Variants in SCN10A observed in about 807,000 individuals in gnomAD.
The protein encoded by SCN10A is sodium channel protein type 10 subunit alpha.
A neutral mutation model predicts 170.7 loss-of-function variants in SCN10A; 162 were observed. The observed-to-expected ratio is 0.95, with a 90% CI of 0.84 to 1.08. The LOEUF is 1.08. Among genes scored for constraint, SCN10A ranks in the 50% least tolerant of loss-of-function variants. The pLI is 0.00. For synonymous variants in SCN10A, 985 were observed against 904.6 expected (o/e 1.09, Z -1.59); for missense variants, 2,527 against 2,436.9 (o/e 1.04, Z -0.78).
At position 38,717,942 on chromosome 3, in the gene SCN10A, GA is replaced by G. The variant is rs1160232347; in HGVS notation, c.3681+710del. On this transcript the variant is annotated intron_variant, in intron 21 of 27. Coordinates refer to ENST00000449082, the MANE Select transcript of SCN10A (RefSeq NM_006514.4). The stretch of plus-strand genomic sequence containing the variant: ...CTGAGGAATCACATGTCTGATGTGT[GA>G]GAAGCACACAGTCAATTCTCTAATG... Among the ~76,000 whole-genome samples, 13 of 152,352 alleles carry G rather than the reference GA, an allele frequency of 8.5e-5. No homozygotes were observed. The East Asian group carries it at 2.3e-3, about 27-fold the overall frequency.
Position 38,697,273 on chromosome 3 carries a change from A to G in SCN10A, c.*76T>C. The G allele has an allele frequency of 6.4e-7, 1 of 1,560,060 alleles. No individual in the cohort carries two copies. Reference sequence around the variant, plus strand: ...ATTGGTGAGGCTGTAGCTGGGTGTGATCTGCAATGGGAAAGAGTTAACACA... The same window carrying G: ...ATTGGTGAGGCTGTAGCTGGGTGTGGTCTGCAATGGGAAAGAGTTAACACA... On this transcript the variant is annotated 3_prime_UTR_variant, in exon 28 of 28. Coordinates refer to ENST00000449082, the MANE Select transcript of SCN10A (RefSeq NM_006514.4).
At chr3:38,741,088 G>C (rs1254571555) in intron 14 of SCN10A, among the ~76,000 whole-genome samples, 1 of 152,074 alleles carries the variant, frequency 6.6e-6, no homozygotes, top group Non-Finnish European at 1.5e-5. Flanking sequence ...CGGAGGGAGT[G>C]GTTTCTAGGG....
At chr3:38,775,338 G>T (rs1430934984) in intron 4 of SCN10A, among the ~76,000 whole-genome samples, 1 of 152,094 alleles carries the variant, frequency 6.6e-6, no homozygotes, top group Non-Finnish European at 1.5e-5. Flanking sequence ...TGCAACATTT[G>T]TTCTTTTGCG....
intron 2 of SCN10A, among the ~76,000 whole-genome samples, chr3:38,792,830 G>T (rs2064300426): frequency 6.6e-6 from 1 of 152,030 alleles, no homozygotes; most frequent in Admixed American, 6.6e-5. Context: ...TTAAACTACT[G>T]ATTCTCAAAC....
intron 3 of SCN10A, among the ~76,000 whole-genome samples, chr3:38,790,547 T>C (rs2064268131): frequency 6.6e-6 from 1 of 151,958 alleles, no homozygotes; most frequent in Admixed American, 6.6e-5. Flanking sequence ...AGTTTGTATG[T>C]TTGTGATTTC....
rs1157697851 is a variant in SCN10A at position 38,742,487 on chromosome 3, C to G, written c.1910G>C (p.Ser637Thr). The G allele has an allele frequency of 6.2e-7, 1 of 1,614,194 alleles. No individual in the cohort carries two copies. Among genetic ancestry groups the G allele is most frequent in the South Asian group, 1.1e-5 (1 of 91,084 alleles). Residue 637 changes from serine to threonine, a missense_variant, in exon 14 of 28, where the codon AGC becomes ACC. Coordinates refer to ENST00000449082, the MANE Select transcript of SCN10A (RefSeq NM_006514.4). ...CCAGATCAGATACTTCTGAGACAAG[C>G]TGGTCAAGCAGGGTGGGCACTTCTG... ...SEQKCPPCLT[S>T]LSQKYLIWDC...
chr3:38,803,125 G>T (rs1252991277), intron 1 of SCN10A, among the ~76,000 whole-genome samples: 1 of 152,144 alleles, frequency 6.6e-6, no homozygotes, highest in Non-Finnish European at 1.5e-5. Context: ...AGTTAGAATG[G>T]CAATCATTAA....
In SCN10A at chr3:38,783,890, C is replaced by T. The variant is rs891031961; in HGVS notation, c.470+5066G>A. ...GGTATTGTGACACTTTAAAAAATTT[C>T]CCTTCTATGATGAACATGTAATAAA... On this transcript the variant is annotated intron_variant, in intron 4 of 27. Transcript: ENST00000449082. 2.0e-5 allele frequency among the ~76,000 whole-genome samples: 3 copies of T among 152,100 alleles called. No homozygotes were observed. The East Asian group carries it at 5.8e-4, about 29-fold the overall frequency.
chr3:38,732,335 G>A (rs542211065), intron 15 of SCN10A, among the ~76,000 whole-genome samples: 1 of 152,224 alleles, frequency 6.6e-6, no homozygotes, highest in Non-Finnish European at 1.5e-5. Flanking sequence ...TCCCTTTCAT[G>A]TTCACCATAA....
Position 38,723,440 on chromosome 3 carries a change from G to A in SCN10A, c.3342C>T (p.Cys1114=). Residue 1114 remains cysteine (C), a synonymous_variant, in exon 19 of 28, where the codon TGC becomes TGT. Coordinates refer to ENST00000449082, the MANE Select transcript of SCN10A (RefSeq NM_006514.4). ...LADDLEEPDD[C]FTEGCIRHCP... Reference sequence around the variant, plus strand: ...TGGCTGTCCCTTCACCTTCTGTGAAGCAGTCATCTGGTTCTTCCAGGTCAT... The same window carrying A: ...TGGCTGTCCCTTCACCTTCTGTGAAACAGTCATCTGGTTCTTCCAGGTCAT... 2 of 1,614,192 alleles carry A rather than the reference G, an allele frequency of 1.2e-6. No homozygotes were observed. The highest frequency in any genetic ancestry group is 1.7e-6 in the Non-Finnish European group (2 of 1,180,006).
intron 5 of SCN10A, among the ~76,000 whole-genome samples, chr3:38,765,979 G>GTTT (rs112962289): frequency 1.2e-4 from 17 of 145,182 alleles, no homozygotes; most frequent in Non-Finnish European, 1.8e-4. Context: ...TTTTATTTTT[G>GTTT]TTTTTTTTTT....
rs2063098618 is a variant in SCN10A, at chr3:38,697,282, G to A, written c.*67C>T. The A allele has an allele frequency of 1.9e-6, 3 of 1,569,462 alleles. No homozygotes were observed. Among genetic ancestry groups the A allele is most frequent in the Admixed American group, 1.7e-5 (1 of 57,302 alleles). On this transcript the variant is annotated 3_prime_UTR_variant, in exon 28 of 28. Transcript: ENST00000449082. ...GCTGTAGCTGGGTGTGATCTGCAATGGGAAAGAGTTAACACAGAGCAGAAG... is the reference window on the plus strand; with the variant it reads ...GCTGTAGCTGGGTGTGATCTGCAATAGGAAAGAGTTAACACAGAGCAGAAG...
In SCN10A at chr3:38,794,023, C is replaced by T. The variant is rs2064320859; in HGVS notation, c.-13G>A. ...TGGGGAATTCCATCTTCTCATTCTTCTTCAGGAAGTATTTATACTCTTATA... is the reference window on the plus strand; with the variant it reads ...TGGGGAATTCCATCTTCTCATTCTTTTTCAGGAAGTATTTATACTCTTATA... On this transcript the variant is annotated 5_prime_UTR_variant, in exon 2 of 28. Coordinates refer to ENST00000449082, the MANE Select transcript of SCN10A (RefSeq NM_006514.4). 5 of 1,612,418 alleles carry T rather than the reference C, an allele frequency of 3.1e-6. No individual in the cohort carries two copies. In the East Asian group the frequency reaches 8.9e-5, roughly 29 times the overall value.
chr3:38,777,424 A>C (rs2064088774), intron 4 of SCN10A, among the ~76,000 whole-genome samples: 1 of 152,084 alleles, frequency 6.6e-6, no homozygotes, highest in African/African-American at 2.4e-5. Context: ...AGACATTATA[A>C]AATGTAGAAA....
intron 15 of SCN10A, among the ~76,000 whole-genome samples, chr3:38,738,011 T>C (rs1274735356): frequency 1.3e-5 from 2 of 151,546 alleles, no homozygotes; most frequent in African/African-American, 4.9e-5. Context: ...ACGATCATGG[T>C]GCACTGCAGC....
At chr3:38,767,702 A>T (rs2063948679) in intron 5 of SCN10A, among the ~76,000 whole-genome samples, 1 of 152,170 alleles carries the variant, frequency 6.6e-6, no homozygotes, top group African/African-American at 2.4e-5. Context: ...GATGAAAAGA[A>T]TGTATATTCT....
intron 6 of SCN10A, among the ~76,000 whole-genome samples, chr3:38,761,638 A>C (rs1046641401): frequency 6.6e-6 from 1 of 152,200 alleles, no homozygotes; most frequent in African/African-American, 2.4e-5. Flanking sequence ...CTTGAGGCTA[A>C]TAAAATTCCT....
At chr3:38,785,019 G>T (rs2064181002) in intron 4 of SCN10A, among the ~76,000 whole-genome samples, 1 of 152,158 alleles carries the variant, frequency 6.6e-6, no homozygotes, top group African/African-American at 2.4e-5. Flanking sequence ...CATGCTCATG[G>T]ATAGGAAAAA....
intron 15 of SCN10A, among the ~76,000 whole-genome samples, chr3:38,737,238 G>A (rs1344019032): frequency 8.0e-5 from 12 of 150,682 alleles, no homozygotes; most frequent in African/African-American, 2.7e-4. Flanking sequence ...CCAAAGTGCT[G>A]GGATTACAGG....
Sources: gnomAD v4.1 joint callset for allele counts (sites outside exome capture counted in the v4.1 genomes callset) on GRCh38, gnomAD v4.1.1 for gene constraint, MANE v1.5 for transcripts, NCBI Gene and HGNC (gene_info 2026-07-23, HGNC 2026-07-21) for gene names.